Variants in FILIP1 observed in about 807,000 individuals in gnomAD.
FILIP1 encodes the protein filamin A interacting protein 1.
A neutral mutation model predicts 102.1 loss-of-function variants in FILIP1; 61 were observed. The observed-to-expected ratio is 0.60, with a 90% CI of 0.49 to 0.74. FILIP1 has a LOEUF of 0.74. FILIP1 is among the 30% of genes least tolerant of loss of function. The pLI is 0.00. For synonymous variants in FILIP1, 491 were observed against 526.9 expected (o/e 0.93, Z 0.93); for missense variants, 1,314 against 1,441.2 (o/e 0.91, Z 1.43).
rs1334636418 is a variant in FILIP1 at position 75,328,300 on chromosome 6, T to C, written c.630-13098A>G. 2.2e-4 allele frequency among the ~76,000 whole-genome samples: 33 copies of C among 152,218 alleles called. 1 individual carries two copies. Among genetic ancestry groups the C allele is most frequent in the Admixed American group, 2.2e-3 (33 of 15,272 alleles). On this transcript the variant is annotated intron_variant, in intron 4 of 5. Transcript: ENST00000237172. The stretch of plus-strand genomic sequence containing the variant: ...AGTCCTTATTTTTTAGAAGTACATA[T>C]TGAAATATTTGTGAATGAAATTATG...
Position 75,414,812 on chromosome 6 carries a change from G to T in FILIP1, c.161C>A (p.Thr54Asn), listed in dbSNP as rs1211206449. 1 of 1,613,744 alleles carries T rather than the reference G, an allele frequency of 6.2e-7. No individual in the cohort carries two copies. Among genetic ancestry groups the T allele is most frequent in the African/African-American group, 1.3e-5 (1 of 74,880 alleles). Residue 54 changes from threonine to asparagine, a missense_variant, in exon 2 of 6, where the codon ACT (threonine) becomes AAT (asparagine). Around this residue, in one of 3 missense-constraint regions of FILIP1, gnomAD observed 494 missense variants for 511.2 expected, o/e 0.97. Transcript: ENST00000237172. ...AGATGTTTTTAGGTGTCGTTTGACAGTTCCTGAGGCCATGACATCATCCTC... is the reference window on the plus strand; with the variant it reads ...AGATGTTTTTAGGTGTCGTTTGACATTTCCTGAGGCCATGACATCATCCTC... ...RKEDDVMASG[T>N]VKRHLKTSGE...
At chr6:75,351,404 C>T (rs1045566569) in intron 4 of FILIP1, among the ~76,000 whole-genome samples, 1 of 152,126 alleles carries the variant, frequency 6.6e-6, no homozygotes, top group Non-Finnish European at 1.5e-5. Context: ...ATTCATTATA[C>T]ACTTAATATT....
chr6:75,309,559 C>G (rs945043845), intron 5 of FILIP1, among the ~76,000 whole-genome samples: 2 of 152,044 alleles, frequency 1.3e-5, no homozygotes, highest in African/African-American at 4.8e-5. Flanking sequence ...TAGTTATTAC[C>G]CCATGTGTTC....
At chr6:75,372,793 A>AGAAAGAAGGAAG (rs1554204978) in intron 2 of FILIP1, among the ~76,000 whole-genome samples, 1 of 41,428 alleles carries the variant, frequency 2.4e-5, no homozygotes, top group Non-Finnish European at 4.5e-5. Context: ...AAAGAAAGAA[A>AGAAAGAAGGAAG]GAAGGAAAGA....
chr6:75,350,040 C>A (rs768235255), intron 4 of FILIP1, among the ~76,000 whole-genome samples: 4 of 152,052 alleles, frequency 2.6e-5, no homozygotes, highest in African/African-American at 7.2e-5. Flanking sequence ...AAGCAAGTCA[C>A]GGTGGACGCC....
intron 2 of FILIP1, among the ~76,000 whole-genome samples, chr6:75,366,416 T>C (rs544986018): frequency 1.2e-4 from 19 of 152,286 alleles, no homozygotes; most frequent in Admixed American, 1.0e-3. Flanking sequence ...AATTAAAATA[T>C]AGGAATAAAA....
intron 1 of FILIP1, among the ~76,000 whole-genome samples, chr6:75,487,279 A>G (rs1317478312): frequency 6.6e-6 from 1 of 152,168 alleles, no homozygotes; most frequent in Non-Finnish European, 1.5e-5. Context: ...TGCCCTGATG[A>G]GCAGACCATC....
intron 2 of FILIP1, among the ~76,000 whole-genome samples, chr6:75,391,716 T>TCATA (rs1162390298): frequency 5.3e-5 from 8 of 152,332 alleles, no homozygotes; most frequent in Non-Finnish European, 1.2e-4. Context: ...TAGCTCATTC[T>TCATA]CATTAGCATA....
chr6:75,308,078 C>A (rs1302757995), downstream of FILIP1: 23 of 985,808 alleles, frequency 2.3e-5, no homozygotes, highest in Non-Finnish European at 2.7e-5. Context: ...AAGTAAAACT[C>A]TGTTCTTAGG....
intron 4 of FILIP1, chr6:75,319,064 C>T: frequency 1.4e-6 from 1 of 736,292 alleles, no homozygotes; most frequent in Non-Finnish European, 2.4e-6. Flanking sequence ...TCTTCATCTT[C>T]TTCACCTTCT....
chr6:75,333,986 C>T (rs950525104), intron 4 of FILIP1, among the ~76,000 whole-genome samples: 3 of 152,132 alleles, frequency 2.0e-5, no homozygotes, highest in African/African-American at 7.2e-5. Flanking sequence ...TTCTTTGGAT[C>T]GCTATGCATT....
At chr6:75,448,978 T>A (rs1191731685) in intron 1 of FILIP1, among the ~76,000 whole-genome samples, 5 of 152,150 alleles carry the variant, frequency 3.3e-5, no homozygotes, top group African/African-American at 1.2e-4. Context: ...CTACTGGGTA[T>A]CTACCCAGAG....
At chr6:75,338,026 A>G (rs1388676454) in intron 4 of FILIP1, among the ~76,000 whole-genome samples, 1 of 152,216 alleles carries the variant, frequency 6.6e-6, no homozygotes, top group Non-Finnish European at 1.5e-5. Context: ...TGGTGCAGTC[A>G]TAGTCCACCA....
intron 1 of FILIP1, among the ~76,000 whole-genome samples, chr6:75,461,624 T>C (rs577477792): frequency 6.6e-6 from 1 of 152,294 alleles, no homozygotes; most frequent in African/African-American, 2.4e-5. Context: ...CCTACAATGT[T>C]AGTAGGAGAA....
At chr6:75,306,231 T>C (rs188311494), downstream of FILIP1, among the ~76,000 whole-genome samples, 160 of 152,334 alleles carry the variant, frequency 1.1e-3, no homozygotes, top group Middle Eastern at 6.8e-3. Flanking sequence ...TTGTACTTTG[T>C]GGGTGGCTCT....
At chr6:75,371,052 GA>G (rs528226607) in intron 2 of FILIP1, among the ~76,000 whole-genome samples, 1 of 151,814 alleles carries the variant, frequency 6.6e-6, no homozygotes, top group Non-Finnish European at 1.5e-5. Context: ...CAGATTGAAA[GA>G]AAAAAAGCTA....
Position 75,312,734 on chromosome 6 carries a change from C to G in FILIP1, c.3098G>C (p.Gly1033Ala), listed in dbSNP as rs1171618200. The G allele has an allele frequency of 1.2e-6, 2 of 1,614,044 alleles. No homozygotes were observed. Among genetic ancestry groups the G allele is most frequent in the Admixed American group, 3.3e-5 (2 of 60,008 alleles). Residue 1033 changes from glycine to alanine, a missense_variant, in exon 5 of 6, where the codon GGA becomes GCA. Physicochemically the swap from Gly to Ala is moderately conservative, Grantham distance 60. Around this residue, in one of 3 missense-constraint regions of FILIP1, gnomAD observed 816 missense variants for 913.1 expected, o/e 0.89. Transcript: ENST00000237172. The part of the protein sequence containing the change: ...VSPESQEMPM[G>A]RTILKVTPEK... ...TGGGGTGACTTTGAGGATTGTCCGT[C>G]CCATGGGCATTTCCTGGGATTCGGG...
intron 4 of FILIP1, among the ~76,000 whole-genome samples, chr6:75,329,185 T>A (rs1477040567): frequency 6.6e-6 from 1 of 152,238 alleles, no homozygotes; most frequent in Non-Finnish European, 1.5e-5. Context: ...CCACCATCCT[T>A]GGAACACTTG....
chr6:75,459,051 T>C (rs1057170319), intron 1 of FILIP1, among the ~76,000 whole-genome samples: 26 of 152,184 alleles, frequency 1.7e-4, no homozygotes, highest in Non-Finnish European at 3.5e-4. Context: ...ATACGTCAAT[T>C]CTTGCCACAT....
Sources: allele counts gnomAD v4.1 joint callset (sites outside exome capture counted in the v4.1 genomes callset), GRCh38; gene constraint gnomAD v4.1.1; regional missense constraint gnomAD v4.1.1; transcripts MANE v1.5; gene names NCBI Gene and HGNC (gene_info 2026-07-23, HGNC 2026-07-21).